Variants in GALNTL6 observed in about 807,000 individuals in gnomAD.
GALNTL6 encodes the protein polypeptide N-acetylgalactosaminyltransferase like 6.
GALNTL6 carries 46 observed loss-of-function variants against 73.7 expected under a neutral mutation model. The ratio of observed to expected loss-of-function variants is 0.62; its 90% confidence interval spans 0.49 to 0.80. The LOEUF is 0.80. GALNTL6 is among the 30% of genes least tolerant of loss of function. The probability of loss-of-function intolerance (pLI) is 0.00; values close to 1 mark genes in which losing one functional copy is unlikely to be tolerated. For synonymous variants in GALNTL6, 259 were observed against 263.7 expected, an observed-to-expected ratio of 0.98 and a Z score of 0.17; for missense variants, 604 against 755.0, an observed-to-expected ratio of 0.80 and a Z score of 2.34.
chr4:171,943,227 C>G (rs1285884105), intron 2 of GALNTL6, among the ~76,000 whole-genome samples: 1 of 152,194 alleles, frequency 6.6e-6, no homozygotes, highest in Non-Finnish European at 1.5e-5. Flanking sequence ...TTCACAAGTA[C>G]ATCAGTAACT....
intron 5 of GALNTL6, among the ~76,000 whole-genome samples, chr4:172,531,736 T>C (rs1165288400): frequency 2.0e-5 from 3 of 152,136 alleles, no homozygotes; most frequent in African/African-American, 7.2e-5. Flanking sequence ...TGAGCTGCCA[T>C]GGGGCGTGCA....
At chr4:172,496,338 T>C (rs1173472857) in intron 5 of GALNTL6, among the ~76,000 whole-genome samples, 2 of 152,174 alleles carry the variant, frequency 1.3e-5, no homozygotes, top group Non-Finnish European at 2.9e-5. Flanking sequence ...AAAGAGTCAA[T>C]TTCTGTCTCT....
At chr4:172,930,410 T>C (rs1295053449) in intron 8 of GALNTL6, among the ~76,000 whole-genome samples, 1 of 152,198 alleles carries the variant, frequency 6.6e-6, no homozygotes, top group Non-Finnish European at 1.5e-5. Context: ...GAATGCAACT[T>C]AAAAGGTATG....
At chr4:172,356,611 T>C (rs905486437) in intron 5 of GALNTL6, among the ~76,000 whole-genome samples, 10 of 152,178 alleles carry the variant, frequency 6.6e-5, no homozygotes, top group Non-Finnish European at 1.5e-4. Flanking sequence ...TGAAATGTGT[T>C]TTAACAAAAT....
intron 2 of GALNTL6, among the ~76,000 whole-genome samples, chr4:171,897,165 A>G (rs989534695): frequency 1.3e-5 from 2 of 152,154 alleles, no homozygotes; most frequent in Non-Finnish European, 2.9e-5. Context: ...AACAATAAAA[A>G]TAAGTTATTA....
At chr4:172,176,757 C>T (rs1289990352) in intron 2 of GALNTL6, among the ~76,000 whole-genome samples, 4 of 152,136 alleles carry the variant, frequency 2.6e-5, no homozygotes, top group South Asian at 2.1e-4. Context: ...CCGTGGCGCT[C>T]TGGCCTGGGC....
chr4:172,014,740 G>C (rs949822449), intron 2 of GALNTL6, among the ~76,000 whole-genome samples: 1 of 151,904 alleles, frequency 6.6e-6, no homozygotes, highest in Non-Finnish European at 1.5e-5. Flanking sequence ...AGGTTTAATA[G>C]GTTGTGTTGC....
intron 4 of GALNTL6, among the ~76,000 whole-genome samples, chr4:172,345,497 G>A (rs1043790404): frequency 2.6e-5 from 4 of 152,090 alleles, no homozygotes; most frequent in South Asian, 2.1e-4. Context: ...TGTGATAATC[G>A]TTTTTTAAAA....
chr4:171,980,890 T>C (rs332990), intron 2 of GALNTL6, among the ~76,000 whole-genome samples: 130,494 of 152,230 alleles, frequency 0.86, 58,717 homozygotes, highest in Non-Finnish European at 0.99. Flanking sequence ...AATAAACAAG[T>C]GGTATATTTT....
At chr4:172,030,556 A>C (rs1401226241) in intron 2 of GALNTL6, among the ~76,000 whole-genome samples, 3 of 151,884 alleles carry the variant, frequency 2.0e-5, no homozygotes, top group Non-Finnish European at 2.9e-5. Flanking sequence ...CCAAAAATAC[A>C]AAAATTAGCC....
chr4:172,321,086 T>C (rs1047233650), intron 4 of GALNTL6, among the ~76,000 whole-genome samples: 1 of 152,232 alleles, frequency 6.6e-6, no homozygotes, highest in African/African-American at 2.4e-5. Flanking sequence ...TTTGATTTTA[T>C]TATTGTTGTT....
intron 8 of GALNTL6, among the ~76,000 whole-genome samples, chr4:172,919,463 G>A (rs1451192505): frequency 1.3e-5 from 2 of 152,166 alleles, no homozygotes; most frequent in African/African-American, 2.4e-5. Context: ...CCTCAGAGAA[G>A]GACTTCAATT....
At chr4:172,043,055 C>G (rs1398511589) in intron 2 of GALNTL6, among the ~76,000 whole-genome samples, 2 of 151,896 alleles carry the variant, frequency 1.3e-5, no homozygotes, top group African/African-American at 4.8e-5. Context: ...CCACACAACA[C>G]TTTGGCCTAT....
chr4:172,256,835 A>G, intron 3 of GALNTL6, among the ~76,000 whole-genome samples: 1 of 151,432 alleles, frequency 6.6e-6, no homozygotes, highest in Admixed American at 6.6e-5. Flanking sequence ...TCTTCACACT[A>G]GAACATACTC....
chr4:172,568,547 G>A (rs1736643373), intron 5 of GALNTL6, among the ~76,000 whole-genome samples: 2 of 151,922 alleles, frequency 1.3e-5, no homozygotes, highest in African/African-American at 4.8e-5. Context: ...ACGAGGTCAG[G>A]AGATTGAGAC....
intron 2 of GALNTL6, among the ~76,000 whole-genome samples, chr4:172,191,247 C>G (rs937414599): frequency 1.3e-5 from 2 of 152,186 alleles, no homozygotes; most frequent in African/African-American, 4.8e-5. Flanking sequence ...AATCAAACAC[C>G]TATGTCATCC....
intron 5 of GALNTL6, among the ~76,000 whole-genome samples, chr4:172,728,001 C>T (rs1579403029): frequency 1.3e-5 from 2 of 152,146 alleles, no homozygotes; most frequent in East Asian, 3.9e-4. Context: ...CAACCTCCGC[C>T]TCCTGGGTTC....
At chr4:172,966,845 C>T (rs2126395640) in intron 10 of GALNTL6, among the ~76,000 whole-genome samples, 1 of 152,330 alleles carries the variant, frequency 6.6e-6, no homozygotes, top group East Asian at 1.9e-4. Flanking sequence ...CAGCAGGCCA[C>T]CGTGGGCACT....
chr4:171,862,052 C>T (rs1405140527), intron 2 of GALNTL6, among the ~76,000 whole-genome samples: 4 of 152,034 alleles, frequency 2.6e-5, no homozygotes, highest in African/African-American at 7.2e-5. Flanking sequence ...TAGGTAGACA[C>T]GAGGTAAAGA....
Sources: gnomAD v4.1 joint callset for allele counts (sites outside exome capture counted in the v4.1 genomes callset) on GRCh38, gnomAD v4.1.1 for gene constraint, MANE v1.5 for transcripts, NCBI Gene and HGNC (gene_info 2026-07-23, HGNC 2026-07-21) for gene names.